The following ANK2 variants were observed in gnomAD, a reference collection of about 807,000 sequenced individuals.
The protein encoded by ANK2 is ankyrin-2.
Under a neutral mutation model 360.5 loss-of-function variants are expected in ANK2, and 83 were observed. The observed-to-expected ratio is 0.23, with a 90% CI of 0.19 to 0.28. ANK2 has a LOEUF of 0.28. ANK2 is among the 10% of genes least tolerant of loss of function. ANK2 has a pLI of 1.00. For missense variants in ANK2, 4,201 were observed against 4,795.7 expected (o/e 0.88, Z 3.66); for synonymous variants, 1,740 against 1,759.5 (o/e 0.99, Z 0.28).
rs1326587273 is a variant in ANK2, at chr4:113,097,883, C to T, written c.84+48071C>T. On this transcript the variant is annotated intron_variant, in intron 1 of 45. Transcript: ENST00000357077. ...GTGTGTGTGTATATATATGCACACA[C>T]ACACACACGCACACACACATATATA... 1.7e-4 allele frequency among the ~76,000 whole-genome samples: 14 copies of T among 81,734 alleles called. No individual in the cohort carries two copies. The South Asian group carries it at 5.1e-3, about 30-fold the overall frequency. The allele number at this position is 81,734 out of a possible 152,430, so 53.6% of individuals were successfully genotyped here.
At chr4:112,961,680 G>T (rs1319478376) in intron 2 of ANK2, among the ~76,000 whole-genome samples, 1 of 152,110 alleles carries the variant, frequency 6.6e-6, no homozygotes, top group Non-Finnish European at 1.5e-5. Flanking sequence ...GTTGGACCAT[G>T]TGTCAATGGT....
intron 1 of ANK2, among the ~76,000 whole-genome samples, chr4:113,167,731 G>A (rs2097797380): frequency 6.6e-6 from 1 of 152,188 alleles, no homozygotes; most frequent in African/African-American, 2.4e-5. Context: ...GAACTAGAAT[G>A]TAGAATTAGA....
intron 2 of ANK2, among the ~76,000 whole-genome samples, chr4:113,038,277 T>C (rs567800974): frequency 6.6e-6 from 1 of 152,118 alleles, no homozygotes; most frequent in African/African-American, 2.4e-5. Context: ...GAAAGCAGGA[T>C]ACGTGAAACT....
the ANK2 span, among the ~76,000 whole-genome samples, chr4:112,752,871 G>T: frequency 3.9e-5 from 6 of 152,092 alleles, no homozygotes; most frequent in African/African-American, 1.4e-4. Flanking sequence ...TCATCATGCT[G>T]CCCAGGCTGG....
chr4:113,310,343 A>G (rs958382504), intron 23 of ANK2, among the ~76,000 whole-genome samples: 4 of 152,150 alleles, frequency 2.6e-5, no homozygotes, highest in Admixed American at 6.5e-5. Context: ...GAACCTAAGT[A>G]GTATTCAGAA....
At chr4:113,173,157 T>C (rs2098053784) in intron 1 of ANK2, among the ~76,000 whole-genome samples, 1 of 152,228 alleles carries the variant, frequency 6.6e-6, no homozygotes, top group Non-Finnish European at 1.5e-5. Context: ...AGCCACTTGG[T>C]ATTTGGGTTA....
chr4:113,283,275 G>C (rs545560139), intron 18 of ANK2, among the ~76,000 whole-genome samples: 1 of 152,134 alleles, frequency 6.6e-6, no homozygotes, highest in Non-Finnish European at 1.5e-5. Flanking sequence ...TTCCATCTGG[G>C]GTTTAGCTTA....
chr4:113,147,817 A>G (rs867940962), intron 1 of ANK2, among the ~76,000 whole-genome samples: 2 of 152,236 alleles, frequency 1.3e-5, no homozygotes, highest in Non-Finnish European at 2.9e-5. Context: ...TCTTATCACA[A>G]TTGGCTTGGC....
At chr4:113,023,990 A>T (rs763058561) in intron 2 of ANK2, among the ~76,000 whole-genome samples, 26 of 152,352 alleles carry the variant, frequency 1.7e-4, no homozygotes, top group Non-Finnish European at 1.8e-4. Flanking sequence ...AAGGAAACAG[A>T]TAAAGTCCCT....
chr4:113,221,369 G>A (rs960191268), intron 4 of ANK2, among the ~76,000 whole-genome samples: 2 of 152,146 alleles, frequency 1.3e-5, no homozygotes, highest in African/African-American at 4.8e-5. Context: ...TATGAAAACT[G>A]ATCTCCAGGG....
chr4:112,763,531 CT>C, the ANK2 span, among the ~76,000 whole-genome samples: 9 of 138,142 alleles, frequency 6.5e-5, no homozygotes, highest in East Asian at 4.5e-4. Context: ...AGCGCCTGGC[CT>C]TTTTTTTTTC....
At chr4:113,332,451 T>C (rs2092683286) in intron 28 of ANK2, among the ~76,000 whole-genome samples, 1 of 152,202 alleles carries the variant, frequency 6.6e-6, no homozygotes, top group Non-Finnish European at 1.5e-5. Context: ...AATAGGGCAG[T>C]GCATGTTCCG....
chr4:113,381,266 G>A (rs528940199), intron 45 of ANK2, among the ~76,000 whole-genome samples, 191 bp from the exon 46 acceptor site: 2 of 152,156 alleles, frequency 1.3e-5, no homozygotes, highest in South Asian at 2.1e-4. Flanking sequence ...CTCATGAATC[G>A]TTTGAGAGAG....
chr4:113,353,019 T>G (rs1309911616), intron 37 of ANK2, 26 bp from the exon 38 acceptor site: 1 of 1,609,232 alleles, frequency 6.2e-7, no homozygotes, highest in Admixed American at 1.7e-5. Flanking sequence ...CCATTTTACT[T>G]TCAATGTTTT....
At chr4:113,099,428 A>G (rs866242174) in intron 1 of ANK2, among the ~76,000 whole-genome samples, 2 of 151,984 alleles carry the variant, frequency 1.3e-5, no homozygotes, top group South Asian at 2.1e-4. Flanking sequence ...GTGTAATTCT[A>G]ATAAGACATG....
the ANK2 span, among the ~76,000 whole-genome samples, chr4:112,750,569 G>C: frequency 6.6e-6 from 1 of 152,122 alleles, no homozygotes; most frequent in South Asian, 2.1e-4. Context: ...CCCAAGAGAG[G>C]GTTCTTGTAT....
chr4:113,247,898 G>A (rs545979654), intron 9 of ANK2, among the ~76,000 whole-genome samples: 1 of 152,310 alleles, frequency 6.6e-6, no homozygotes, highest in South Asian at 2.1e-4. Context: ...AAGTTATGTA[G>A]CAACTAATGC....
intron 45 of ANK2, among the ~76,000 whole-genome samples, chr4:113,376,166 T>TTGTC (rs1356761193): frequency 1.2e-3 from 178 of 152,318 alleles, no homozygotes; most frequent in African/African-American, 4.0e-3. Context: ...AATGCATCAT[T>TTGTC]AGACAACTTT....
intron 1 of ANK2, among the ~76,000 whole-genome samples, chr4:113,160,839 A>T (rs1275714151): frequency 6.6e-6 from 1 of 152,184 alleles, no homozygotes. Flanking sequence ...AAACGATTGA[A>T]TGTTCAGGGT....
Sources: gnomAD v4.1 joint callset for allele counts (sites outside exome capture counted in the v4.1 genomes callset) on GRCh38, gnomAD v4.1.1 for gene constraint, MANE v1.5 for transcripts, NCBI Gene and HGNC (gene_info 2026-07-23, HGNC 2026-07-21) for gene names.